The following PARL variants were observed in gnomAD, a reference collection of about 807,000 sequenced individuals.
The protein encoded by PARL is presenilin associated rhomboid like.
In PARL, 44 loss-of-function variants were observed where a neutral mutation model predicts 51.6. The ratio of observed to expected loss-of-function variants is 0.85; its 90% CI spans 0.67 to 1.10. PARL has a LOEUF of 1.10. PARL is among the 50% of genes least tolerant of loss of function. The probability of loss-of-function intolerance (pLI) is 0.00; values close to 1 mark genes in which losing one functional copy is unlikely to be tolerated. For missense variants in PARL, 441 were observed against 469.5 expected (o/e 0.94, Z 0.56); for synonymous variants, 172 against 164.0 (o/e 1.05, Z -0.37).
At chr3:183,881,366 C>T (rs1401047370) in intron 1 of PARL, among the ~76,000 whole-genome samples, 1 of 152,196 alleles carries the variant, frequency 6.6e-6, no homozygotes, top group African/African-American at 2.4e-5. Context: ...AGGTGATCCA[C>T]CCGCCTCGGC....
intron 1 of PARL, among the ~76,000 whole-genome samples, chr3:183,871,501 G>T (rs1437388510): frequency 2.6e-5 from 3 of 116,328 alleles, no homozygotes; most frequent in Non-Finnish European, 5.0e-5. Flanking sequence ...TCATATAATG[G>T]AATATTACAC....
chr3:183,877,777 G>A (rs1339709160), intron 1 of PARL, among the ~76,000 whole-genome samples: 2 of 150,918 alleles, frequency 1.3e-5, no homozygotes, highest in East Asian at 3.9e-4. Context: ...ACTCTAAAAT[G>A]CACTGGCTTA....
chr3:183,870,536 T>A (rs1733066660), intron 1 of PARL, among the ~76,000 whole-genome samples: 1 of 152,072 alleles, frequency 6.6e-6, no homozygotes. Context: ...CTAATTCTAA[T>A]GCAACTCCTT....
chr3:183,866,596 A>G (rs764456182), intron 3 of PARL, 29 bp downstream of exon 3: 8 of 1,598,462 alleles, frequency 5.0e-6, no homozygotes, highest in Admixed American at 1.7e-5. Flanking sequence ...GTGATTAACT[A>G]GAAGAAAGAA....
intron 9 of PARL, 135 bp downstream of exon 9, chr3:183,833,357 C>T: frequency 1.4e-6 from 1 of 715,338 alleles, no homozygotes; most frequent in Non-Finnish European, 2.6e-6. Flanking sequence ...CTCACCCTCC[C>T]AAGCCCACCT....
At chr3:183,855,302 T>C (rs950793970) in intron 4 of PARL, among the ~76,000 whole-genome samples, 13 of 152,170 alleles carry the variant, frequency 8.5e-5, no homozygotes, top group Admixed American at 4.6e-4. Flanking sequence ...TTTTTATTTA[T>C]TATTATTTTT....
At chr3:183,833,425 G>A in intron 9 of PARL, 67 bp downstream of exon 9, 1 of 942,394 alleles carries the variant, frequency 1.1e-6, no homozygotes, top group Non-Finnish European at 1.8e-6. Context: ...GGGTAGGGGT[G>A]AGGCTGGGGT....
chr3:183,854,734 T>C (rs1294672291), intron 4 of PARL, among the ~76,000 whole-genome samples: 4 of 147,368 alleles, frequency 2.7e-5, no homozygotes, highest in Non-Finnish European at 3.0e-5. Flanking sequence ...TTTCATGTTT[T>C]TTTTTTTTAC....
intron 1 of PARL, among the ~76,000 whole-genome samples, chr3:183,873,558 AAAATT>A (rs1197820824): frequency 1.3e-5 from 2 of 152,122 alleles, no homozygotes; most frequent in East Asian, 1.9e-4. Context: ...CAAAAAAAAA[AAAATT>A]AATTAATTAA....
chr3:183,841,540 C>T (rs910689870), intron 6 of PARL, among the ~76,000 whole-genome samples: 2 of 152,182 alleles, frequency 1.3e-5, no homozygotes, highest in African/African-American at 2.4e-5. Flanking sequence ...CTGGGTCTAT[C>T]GCCAAGCTTA....
chr3:183,832,886 T>C (rs142508338), intron 9 of PARL, among the ~76,000 whole-genome samples: 321 of 152,288 alleles, frequency 2.1e-3, no homozygotes, highest in African/African-American at 7.4e-3. Flanking sequence ...TGCTCTGCTA[T>C]TGAAGAGCTG....
At chr3:183,877,237 A>C (rs1418296351) in intron 1 of PARL, among the ~76,000 whole-genome samples, 1 of 152,118 alleles carries the variant, frequency 6.6e-6, no homozygotes, top group Non-Finnish European at 1.5e-5. Flanking sequence ...AGAGCAAGAG[A>C]ACTAGAATTA....
intron 1 of PARL, among the ~76,000 whole-genome samples, chr3:183,870,334 A>G (rs1390973982): frequency 1.3e-5 from 2 of 149,544 alleles, no homozygotes; most frequent in African/African-American, 5.0e-5. Context: ...TTCTTATTCA[A>G]TTAAAAGCCA....
At chr3:183,868,112 A>C (rs776206614) in intron 1 of PARL, 52 bp from the exon 2 acceptor site, 2 of 1,303,740 alleles carry the variant, frequency 1.5e-6, no homozygotes, top group East Asian at 2.3e-5. Flanking sequence ...TGCAAATATC[A>C]ACTTCTATGA....
chr3:183,884,318 G>A (rs1403018247), intron 1 of PARL, among the ~76,000 whole-genome samples: 1 of 152,158 alleles, frequency 6.6e-6, no homozygotes, highest in African/African-American at 2.4e-5. Context: ...GCTAAAGAAG[G>A]CGACTGGTTG....
At chr3:183,847,426 A>G (rs1198088462) in intron 4 of PARL, among the ~76,000 whole-genome samples, 2 of 152,088 alleles carry the variant, frequency 1.3e-5, no homozygotes, top group Non-Finnish European at 2.9e-5. Context: ...TCAGCTGGGC[A>G]TGGTGGCACA....
chr3:183,859,876 A>G (rs955045329), intron 4 of PARL, among the ~76,000 whole-genome samples: 4 of 152,190 alleles, frequency 2.6e-5, no homozygotes, highest in Non-Finnish European at 5.9e-5. Flanking sequence ...CAACAGATTC[A>G]ATGGCAAGGA....
At chr3:183,848,022 C>T (rs1339455161) in intron 4 of PARL, among the ~76,000 whole-genome samples, 1 of 152,204 alleles carries the variant, frequency 6.6e-6, no homozygotes, top group Non-Finnish European at 1.5e-5. Context: ...ACCCTCACAC[C>T]TGTGTAACGC....
At chr3:183,879,536 C>T (rs1734199533) in intron 1 of PARL, 1 of 155,496 alleles carries the variant, frequency 6.4e-6, no homozygotes, top group East Asian at 1.9e-4. Flanking sequence ...GGACTTGTCT[C>T]GCTAGAAGCC....
Sources: allele counts gnomAD v4.1 joint callset (sites outside exome capture counted in the v4.1 genomes callset), GRCh38; gene constraint gnomAD v4.1.1; transcripts MANE v1.5; gene names NCBI Gene and HGNC (gene_info 2026-07-23, HGNC 2026-07-21).